The following GAS2L2 variants were observed in gnomAD, a reference collection of about 807,000 sequenced individuals.
GAS2L2 encodes the protein GAS2-like protein 2.
A neutral mutation model predicts 35.2 loss-of-function variants in GAS2L2; 21 were observed. The ratio of observed to expected loss-of-function variants is 0.60; its 90% confidence interval spans 0.42 to 0.86. GAS2L2 has a LOEUF of 0.86. Among genes scored for constraint, GAS2L2 ranks in the 40% least tolerant of loss-of-function variants. The pLI is 0.00. For synonymous variants in GAS2L2, 490 were observed against 473.2 expected (o/e 1.04, Z -0.46); for missense variants, 1,169 against 1,144.4 (o/e 1.02, Z -0.31).
At chr17:35,752,376 G>T in intron 1 of GAS2L2, 90 bp downstream of exon 1, 1 of 1,304,438 alleles carries the variant, frequency 7.7e-7, no homozygotes, top group Non-Finnish European at 1.0e-6. Context: ...CCAGGCTCCT[G>T]CCCCCCAGAG....
At position 35,752,610 on chromosome 17, in the gene GAS2L2, C is replaced by T. The variant is rs1555599928; in HGVS notation, c.241G>A (p.Ala81Thr). The change falls in exon 1 of 6, where the codon GCT becomes ACT. Residue 81 changes from alanine to threonine, a missense_variant. Transcript: ENST00000604641. ...TTCTGGGCTTGGGCAGGTGCCTCAG[C>T]CAGGAAGGCCAGGGCAGCGTCAGTG... The part of the protein sequence containing the change: ...VVTDAALAFL[A>T]EAPAQAQKIP... The T allele has an allele frequency of 6.2e-7, 1 of 1,613,636 alleles. No individual in the cohort carries two copies.
Position 35,749,209 on chromosome 17 carries a change from G to A in GAS2L2, c.636C>T (p.Ser212=), listed in dbSNP as rs1555599427. The A allele has an allele frequency of 1.2e-6, 2 of 1,610,998 alleles. No homozygotes were observed. Among genetic ancestry groups the A allele is most frequent in the East Asian group, 2.2e-5 (1 of 44,852 alleles). Residue 212 remains serine (S), a synonymous_variant, in exon 3 of 6, where the codon AGC becomes AGT. Coordinates refer to ENST00000604641, the MANE Select transcript of GAS2L2 (RefSeq NM_139285.4). ...CTGGGCACGTGCAGTGGCTCACAAGGCTCTGCACCTGCGGGCGGGTGGTGA... is the reference window on the plus strand; with the variant it reads ...CTGGGCACGTGCAGTGGCTCACAAGACTCTGCACCTGCGGGCGGGTGGTGA... ...HFRNLDQMVQ[S]LVSHCTCPVQ...
Position 35,749,124 on chromosome 17 carries a change from G to T in GAS2L2, c.721C>A (p.Leu241Ile), listed in dbSNP as rs1555599400. The T allele has an allele frequency of 6.2e-7, 1 of 1,611,362 alleles. No individual in the cohort carries two copies. Among genetic ancestry groups the T allele is most frequent in the Non-Finnish European group, 8.5e-7 (1 of 1,177,530 alleles). ...GKYRVGDSNT[L>I]IFIRILRNHV... is the part of the protein sequence containing the mutation. Reference sequence around the variant, plus strand: ...CCTGGACTTACCCGGATGAAGATGAGGGTGTTGGAGTCACCCACACGGTAC... The same window carrying T: ...CCTGGACTTACCCGGATGAAGATGATGGTGTTGGAGTCACCCACACGGTAC... The change falls in exon 3 of 6, where the codon CTC becomes ATC. Residue 241 changes from leucine to isoleucine, a missense_variant. By Grantham distance (5) the Leu-to-Ile change is conservative. Transcript: ENST00000604641.
rs2085656450 is a variant in GAS2L2 at position 35,745,160 on chromosome 17, C to T, written c.2337G>A (p.Arg779=). The change falls in exon 6 of 6, where the codon AGG becomes AGA. Residue 779 remains arginine, a synonymous_variant. Transcript: ENST00000604641. Reference sequence around the variant, plus strand: ...GCCTGTGGTCTCTCCGGGGCCGAATCCTGGGTCTCAGCTTCAGCTTGTAGA... The same window carrying T: ...GCCTGTGGTCTCTCCGGGGCCGAATTCTGGGTCTCAGCTTCAGCTTGTAGA... The part of the protein sequence containing the change: ...PSIYKLKLRP[R]IRPRRDHRPE... 1 of 1,612,754 alleles carries T rather than the reference C, an allele frequency of 6.2e-7. No individual in the cohort carries two copies. The highest frequency in any genetic ancestry group is 1.1e-5 in the South Asian group (1 of 91,028).
In GAS2L2 at chr17:35,747,889, ATGGCCCAGTG is replaced by A; in HGVS notation, c.782_791del (p.Thr261IlefsTer22). 1 of 1,613,846 alleles carries A rather than the reference ATGGCCCAGTG, an allele frequency of 6.2e-7. No homozygotes were observed. The highest frequency in any genetic ancestry group is 8.5e-7 in the Non-Finnish European group (1 of 1,179,912). ...GGCAGGGGTCATGTTTGTCCAGGTA[ATGGCCCAGTG>A]TGTCCCAGCCGCCCCCTACACGTAC... is the stretch of plus-strand genomic sequence containing the variant. On this transcript the variant is annotated frameshift_variant, in exon 4 of 6. Transcript: ENST00000604641. LOFTEE classifies it high-confidence loss of function.
rs1568098362 is a variant in GAS2L2 at position 35,744,943 on chromosome 17, AT to A, written c.2553del (p.Leu852TrpfsTer37). On this transcript the variant is annotated frameshift_variant, in exon 6 of 6. Transcript: ENST00000604641. LOFTEE classifies it low-confidence loss of function (END_TRUNC). ...EGKEEKEPAA[P>X]LESSPQPPEG... ...TCTGGAGGTTGGGGGCTGCTCTCCA[AT>A]GGAGCGGCTGGCTCTTTCTCCTCCT... 1 of 1,614,032 alleles carries A rather than the reference AT, an allele frequency of 6.2e-7. No individual in the cohort carries two copies. Among genetic ancestry groups the A allele is most frequent in the South Asian group, 1.1e-5 (1 of 91,062 alleles).
In GAS2L2 at chr17:35,747,052, C is replaced by T; in HGVS notation, c.1049G>A (p.Gly350Glu). Residue 350 changes from glycine to glutamate, a missense_variant, in exon 5 of 6, where the codon GGG (glycine) becomes GAG (glutamate). By Grantham distance (98) the Gly-to-Glu change is moderately conservative (BLOSUM62 -2). This residue lies in a region of GAS2L2 where 1,035 missense variants were observed against 976.5 expected (regional missense o/e 1.06). Coordinates refer to ENST00000604641, the MANE Select transcript of GAS2L2 (RefSeq NM_139285.4). ...TGCCATCTCTCTGGAGGCCCCCGTCCCTGCTCCCCGTTCCCTGCGGGGTCT... is the reference window on the plus strand; with the variant it reads ...TGCCATCTCTCTGGAGGCCCCCGTCTCTGCTCCCCGTTCCCTGCGGGGTCT... ...SPRPRRERGA[G>E]TGASREMAPF... 1 of 1,601,830 alleles carries T rather than the reference C, an allele frequency of 6.2e-7. No homozygotes were observed. Among genetic ancestry groups the T allele is most frequent in the Non-Finnish European group, 8.5e-7 (1 of 1,173,058 alleles).
chr17:35,747,972 G>A (rs782227203), intron 3 of GAS2L2, 27 bp from the exon 4 acceptor site: 1 of 1,583,064 alleles, frequency 6.3e-7, no homozygotes. Flanking sequence ...GAGGTTAAGG[G>A]CGGGGTGGAG....
Position 35,745,448 on chromosome 17 carries a change from T to C in GAS2L2, c.2049A>G (p.Pro683=). 6.3e-7 allele frequency: 1 copy of C among 1,580,656 alleles called. No homozygotes were observed. The highest frequency in any genetic ancestry group is 8.6e-7 in the Non-Finnish European group (1 of 1,162,232). Residue 683 remains proline (P), a synonymous_variant, in exon 6 of 6, where the codon CCA becomes CCG. Coordinates refer to ENST00000604641, the MANE Select transcript of GAS2L2 (RefSeq NM_139285.4). ...GGCTTCCCGGTCCTGGGGTAACAGC[T>C]GGCTTAGGGGAGCCAGTCGGGGCTG... ...WKAAPTGSPK[P]AVTPGPGSLK... is the part of the protein sequence containing the mutation.
chr17:35,748,046 ATG>A (rs1345491332), intron 3 of GAS2L2, 101 bp from the exon 4 acceptor site: 1 of 781,088 alleles, frequency 1.3e-6, no homozygotes, highest in Non-Finnish European at 2.2e-6. Context: ...GCTCTCATCC[ATG>A]TACCCATCCA....
Position 35,753,002 on chromosome 17 carries a change from G to A in GAS2L2, c.-152C>T, listed in dbSNP as rs1255668781. ...CCCGGGACCTCCAGTGCTGCTACTTGCCACTGGCTTCAGCTGCCAGGCCTG... is the reference window on the plus strand; with the variant it reads ...CCCGGGACCTCCAGTGCTGCTACTTACCACTGGCTTCAGCTGCCAGGCCTG... On this transcript the variant is annotated 5_prime_UTR_variant, in exon 1 of 6. Coordinates refer to ENST00000604641, the MANE Select transcript of GAS2L2 (RefSeq NM_139285.4). The A allele has an allele frequency of 2.1e-5, 17 of 793,914 alleles. No individual in the cohort carries two copies. The African/African-American group carries it at 2.6e-4, about 12-fold the overall frequency. 49.2% of individuals were successfully genotyped at this position (793,914 alleles called of 1,614,324 possible).
chr17:35,751,341 A>G (rs587678793), intron 1 of GAS2L2, among the ~76,000 whole-genome samples: 1 of 152,080 alleles, frequency 6.6e-6, no homozygotes, highest in South Asian at 2.1e-4. Context: ...CCCTGCTTAG[A>G]ATTCCCTTCC....
rs781891550 is a variant in GAS2L2 at position 35,745,397 on chromosome 17, C to G, written c.2100G>C (p.Gln700His). 6.3e-7 allele frequency: 1 copy of G among 1,576,300 alleles called. No homozygotes were observed. The highest frequency in any genetic ancestry group is 8.6e-7 in the Non-Finnish European group (1 of 1,160,542). ...GSLKGKLGAR[Q>H]SGPRTKASLS... ...GGCTTGCCTTTGTCCTGGGCCCACT[C>G]TGTCTGGCTCCCAACTTCCCTTTGA... Residue 700 changes from glutamine to histidine, a missense_variant, in exon 6 of 6, where the codon CAG becomes CAC. Transcript: ENST00000604641.
In GAS2L2 at chr17:35,745,612, C is replaced by T. The variant is rs781941641; in HGVS notation, c.1885G>A (p.Val629Ile). ...SACPQGTRSG[V>I]IPRSGVYIPR... ...ATGTAGACCCCACTGCGAGGGATGACCCCAGACCTTGTGCCCTGCGGACAG... is the reference window on the plus strand; with the variant it reads ...ATGTAGACCCCACTGCGAGGGATGATCCCAGACCTTGTGCCCTGCGGACAG... Residue 629 changes from valine to isoleucine, a missense_variant, in exon 6 of 6, where the codon GTC becomes ATC. Transcript: ENST00000604641. The T allele has an allele frequency of 3.1e-6, 5 of 1,613,932 alleles. No individual in the cohort carries two copies. The highest frequency in any genetic ancestry group is 4.2e-6 in the Non-Finnish European group (5 of 1,180,032).
Position 35,745,732 on chromosome 17 carries a change from G to A in GAS2L2, c.1765C>T (p.Pro589Ser), listed in dbSNP as rs782291020. ...TCCTTGTTCCCGCCCAAGGGCAGAG[G>A]TGTGTACCGCCCCTCCTGCTCCTGT... ...GLQEQEGRYT[P>S]LPLGGNKEQA... Residue 589 changes from proline (P) to serine (S), a missense_variant, in exon 6 of 6, where the codon CCT (proline) becomes TCT (serine). Physicochemically the swap from Pro to Ser is moderately conservative, Grantham distance 74. Around this residue, in one of 3 missense-constraint regions of GAS2L2, gnomAD observed 1,035 missense variants for 976.5 expected, o/e 1.06. Transcript: ENST00000604641. 2 of 1,613,888 alleles carry A rather than the reference G, an allele frequency of 1.2e-6. No homozygotes were observed. Among genetic ancestry groups the A allele is most frequent in the Non-Finnish European group, 8.5e-7 (1 of 1,180,044 alleles).
intron 5 of GAS2L2, among the ~76,000 whole-genome samples, chr17:35,746,800 C>T (rs1442040171): frequency 2.6e-5 from 4 of 152,148 alleles, no homozygotes; most frequent in African/African-American, 9.7e-5. Flanking sequence ...AAGTCTGTTC[C>T]ATTTCTGAGC....
At position 35,747,145 on chromosome 17, in the gene GAS2L2, G is replaced by T. The variant is rs782335153; in HGVS notation, c.956C>A (p.Pro319His). ...MTISRSQSPP[P>H]PVDWKTYTSS... is the part of the protein sequence containing the mutation. ...GGTATATGTCTTCCAGTCCACAGGG[G>T]GTGGTGGGCTCTGTGAGCGGCTGAT... The change falls in exon 5 of 6, where the codon CCC becomes CAC. Residue 319 changes from proline (P) to histidine (H), a missense_variant. Physicochemically the swap from Pro to His is moderately conservative, Grantham distance 77. This residue lies in a region of GAS2L2 where 1,035 missense variants were observed against 976.5 expected (regional missense o/e 1.06). Coordinates refer to ENST00000604641, the MANE Select transcript of GAS2L2 (RefSeq NM_139285.4). The T allele has an allele frequency of 1.2e-6, 2 of 1,613,990 alleles. No individual in the cohort carries two copies. Among genetic ancestry groups the T allele is most frequent in the South Asian group, 2.2e-5 (2 of 91,084 alleles).
At chr17:35,748,391 G>A (rs1452290465) in intron 3 of GAS2L2, among the ~76,000 whole-genome samples, 1 of 152,348 alleles carries the variant, frequency 6.6e-6, no homozygotes, top group East Asian at 1.9e-4. Context: ...TGGGGCCACA[G>A]GTTCTTGCCC....
chr17:35,750,344 G>T, intron 1 of GAS2L2, 26 bp from the exon 2 acceptor site: 2 of 1,613,802 alleles, frequency 1.2e-6, no homozygotes, highest in African/African-American at 2.7e-5. Context: ...GGAGAAAAGG[G>T]CAGAGGCAGC....
Sources: allele counts gnomAD v4.1 joint callset (sites outside exome capture counted in the v4.1 genomes callset), GRCh38; gene constraint gnomAD v4.1.1; regional missense constraint gnomAD v4.1.1; transcripts MANE v1.5; gene names NCBI Gene and HGNC (gene_info 2026-07-23, HGNC 2026-07-21).